Variants in BCL11A observed in about 807,000 individuals in gnomAD.
The protein encoded by BCL11A is BCL11 transcription factor A, also known as B cell CLL/lymphoma 11A.
A neutral mutation model predicts 55.9 loss-of-function variants in BCL11A; 2 were observed. The ratio of observed to expected loss-of-function variants is 0.04; its 90% CI spans 0.01 to 0.11. The LOEUF is 0.11. Ranked by LOEUF, BCL11A falls within the 10% of genes least tolerant of loss-of-function variation. The pLI, the probability that BCL11A is intolerant of heterozygous loss-of-function variation, is 1.00. For missense variants in BCL11A, 817 were observed against 1,137.1 expected (o/e 0.72, Z 4.05); for synonymous variants, 465 against 473.4 (o/e 0.98, Z 0.23).
At chr2:60,481,930 C>T (rs1677981617) in intron 2 of BCL11A, among the ~76,000 whole-genome samples, 1 of 152,148 alleles carries the variant, frequency 6.6e-6, no homozygotes, top group Admixed American at 6.5e-5. Context: ...CTCAGGAAAC[C>T]CACCTAGGTA....
rs1212394216 is a variant in BCL11A, at chr2:60,459,198, CA to C, written c.*1205del. 1 of 1,021,986 alleles carries C rather than the reference CA, an allele frequency of 9.8e-7. No homozygotes were observed. The highest frequency in any genetic ancestry group is 1.7e-5 in the African/African-American group (1 of 58,644). The allele number at this position is 1,021,986 out of a possible 1,614,324, so 63.3% of individuals were successfully genotyped here. On this transcript the variant is annotated 3_prime_UTR_variant, in exon 4 of 4. Coordinates refer to ENST00000642384, the MANE Select transcript of BCL11A (RefSeq NM_022893.4). ...AGCCTCTTCCTTTCAATATGGTATA[CA>C]AGGTCTTAAAGTTTATCATTTGATT...
chr2:60,465,381 T>C (rs536998768), intron 3 of BCL11A, among the ~76,000 whole-genome samples: 8 of 152,376 alleles, frequency 5.3e-5, no homozygotes, highest in Admixed American at 1.3e-4. Flanking sequence ...GAGAGCCTCA[T>C]TGGGCATTTA....
intron 3 of BCL11A, among the ~76,000 whole-genome samples, chr2:60,467,831 G>GTGGTGA (rs1676891177): frequency 8.6e-6 from 1 of 116,254 alleles, no homozygotes; most frequent in Admixed American, 7.7e-5. Context: ...GATGGTGATG[G>GTGGTGA]TGGTGGTGGT....
At chr2:60,551,539 C>G (rs1462559250) in intron 1 of BCL11A, among the ~76,000 whole-genome samples, 1 of 152,228 alleles carries the variant, frequency 6.6e-6, no homozygotes, top group Non-Finnish European at 1.5e-5. Context: ...CGGTCCCGAG[C>G]TGTGGACAAG....
At chr2:60,537,913 T>C (rs1295601196) in intron 2 of BCL11A, 3 of 152,236 alleles carry the variant, frequency 2.0e-5, no homozygotes, top group African/African-American at 7.2e-5. Flanking sequence ...TGGATTCGCC[T>C]CTATCTAAAA....
intron 2 of BCL11A, among the ~76,000 whole-genome samples, chr2:60,484,842 T>TGG (rs1184824015): frequency 6.6e-6 from 1 of 151,470 alleles, no homozygotes; most frequent in Non-Finnish European, 1.5e-5. Flanking sequence ...ACATATGTGC[T>TGG]GGGGGTCTGG....
At chr2:60,510,985 G>A (rs1020332500) in intron 2 of BCL11A, among the ~76,000 whole-genome samples, 7 of 152,228 alleles carry the variant, frequency 4.6e-5, no homozygotes. Flanking sequence ...TCTAGAAAGA[G>A]GGGCTGAGAG....
At chr2:60,525,588 G>A (rs1669165712) in intron 2 of BCL11A, 1 of 151,978 alleles carries the variant, frequency 6.6e-6, no homozygotes, top group African/African-American at 2.4e-5. Flanking sequence ...CTGGTCAGTG[G>A]TGTTCATACT....
chr2:60,538,782 TGTA>T (rs1277008397), intron 2 of BCL11A, among the ~76,000 whole-genome samples: 4 of 135,372 alleles, frequency 3.0e-5, no homozygotes, highest in Non-Finnish European at 6.4e-5. Context: ...TGTGTGTGTG[TGTA>T]ATGGGGAAAG....
intron 2 of BCL11A, among the ~76,000 whole-genome samples, chr2:60,532,013 G>A (rs968029661): frequency 2.0e-5 from 3 of 152,074 alleles, no homozygotes; most frequent in Non-Finnish European, 4.4e-5. Context: ...ACACCGCCGG[G>A]CCCCTGCTAA....
At chr2:60,536,386 G>A (rs1229635567) in intron 2 of BCL11A, 1 of 152,148 alleles carries the variant, frequency 6.6e-6, no homozygotes, top group Non-Finnish European at 1.5e-5. Flanking sequence ...GCTCAGAAAT[G>A]TGCCACATTT....
chr2:60,491,937 T>C lies in BCL11A; in HGVS notation c.386-23104A>G, dbSNP rs531370172. 3.9e-5 allele frequency among the ~76,000 whole-genome samples: 6 copies of C among 152,330 alleles called. No individual in the cohort carries two copies. In the East Asian group the frequency reaches 9.6e-4, roughly 24 times the overall value. ...ATAAATGAAGTTCAGATATTGCATT[T>C]ACGCTAAATACCTTGGAAATTGAGA... is the stretch of plus-strand genomic sequence containing the variant. On this transcript the variant is annotated intron_variant, in intron 2 of 3. Transcript: ENST00000642384.
Position 60,546,200 on chromosome 2 carries a change from C to T in BCL11A, c.156G>A (p.Gln52=), listed in dbSNP as rs781175084. Reference sequence around the variant, plus strand: ...GAATGTCCCCCAATGGGAAGTTCATCTGGCACTGCCCACAGGTGAGGAGGT... The same window carrying T: ...GAATGTCCCCCAATGGGAAGTTCATTTGGCACTGCCCACAGGTGAGGAGGT... ...DHDLLTCGQC[Q]MNFPLGDILI... The change falls in exon 2 of 4, where the codon CAG becomes CAA. Residue 52 remains glutamine (Q), a synonymous_variant. Coordinates refer to ENST00000642384, the MANE Select transcript of BCL11A (RefSeq NM_022893.4). This position sits in a 1 kb window ranked among gnomAD's most constrained non-coding sequence, Gnocchi z 4.1. 1.2e-6 allele frequency: 2 copies of T among 1,614,236 alleles called. No homozygotes were observed. Among genetic ancestry groups the T allele is most frequent in the Admixed American group, 1.7e-5 (1 of 60,030 alleles).
At chr2:60,527,991 A>G (rs1329429729) in intron 2 of BCL11A, 2 of 152,256 alleles carry the variant, frequency 1.3e-5, no homozygotes, top group East Asian at 3.9e-4. Flanking sequence ...TGCGGATCAT[A>G]TGGAGCTGTT....
At chr2:60,549,654 G>A (rs1398533665) in intron 1 of BCL11A, 1 of 152,386 alleles carries the variant, frequency 6.6e-6, no homozygotes, top group South Asian at 2.1e-4. Flanking sequence ...GGGCAGCCAG[G>A]GGCCCTGACT....
In BCL11A at chr2:60,459,801, G is replaced by C; in HGVS notation, c.*603C>G. ...TTAACCCTTTAGAGACAGACATTTA[G>C]CTCATAGAGATTTTTTTTCAGTGCT... On this transcript the variant is annotated 3_prime_UTR_variant, in exon 4 of 4. Transcript: ENST00000642384. 9.6e-7 allele frequency: 1 copy of C among 1,043,044 alleles called. No individual in the cohort carries two copies. 64.6% of individuals were successfully genotyped at this position (1,043,044 alleles called of 1,614,324 possible).
At chr2:60,452,774 C>A (rs1477312533), downstream of BCL11A, 3 of 848,626 alleles carry the variant, frequency 3.5e-6, no homozygotes, top group East Asian at 2.6e-5. Flanking sequence ...GAACTTAAAC[C>A]AACCACAGGT....
At chr2:60,514,495 TAAAAAAAAAAAAAA>T (rs58972358) in intron 2 of BCL11A, among the ~76,000 whole-genome samples, 76 of 119,346 alleles carry the variant, frequency 6.4e-4, no homozygotes, top group Non-Finnish European at 1.1e-3. Context: ...CATCTCTACT[TAAAAAAAAAAAAAA>T]AAAAAAAAAT....
In BCL11A at chr2:60,477,961, T is replaced by TA. The variant is rs201845877; in HGVS notation, c.386-9129_386-9128insT. 1.1e-4 allele frequency among the ~76,000 whole-genome samples: 17 copies of TA among 150,010 alleles called. 1 individual carries two copies. Among genetic ancestry groups the TA allele is most frequent in the African/African-American group, 2.7e-4 (11 of 41,160 alleles). ...CTGTCCTGGCCTTTATGGAAAGCTTTTTTTTTTTTTTTTTTAATTGAGACA... is the reference window on the plus strand; with the variant it reads ...CTGTCCTGGCCTTTATGGAAAGCTTTATTTTTTTTTTTTTTTAATTGAGACA... On this transcript the variant is annotated intron_variant, in intron 2 of 3. Transcript: ENST00000642384.
Sources: gnomAD v4.1 joint callset for allele counts (sites outside exome capture counted in the v4.1 genomes callset) on GRCh38, gnomAD v4.1.1 for gene constraint, Gnocchi (gnomAD v3.1) non-coding constraint, MANE v1.5 for transcripts, NCBI Gene and HGNC (gene_info 2026-07-23, HGNC 2026-07-21) for gene names.